LHPP: variants seen among roughly 807,000 people sequenced by gnomAD.
The protein encoded by LHPP is hLHPP.
Under a neutral mutation model 30.3 loss-of-function variants are expected in LHPP, and 24 were observed. The observed-to-expected ratio is 0.79, with a 90% confidence interval of 0.57 to 1.11. The LOEUF is 1.11. Among genes scored for constraint, LHPP ranks in the 50% most tolerant of loss-of-function variants. LHPP has a pLI of 0.00. For missense variants in LHPP, 356 were observed against 367.2 expected (o/e 0.97, Z 0.25); for synonymous variants, 150 against 157.1 (o/e 0.95, Z 0.34).
At chr10:124,599,344 T>C (rs931485233) in intron 6 of LHPP, among the ~76,000 whole-genome samples, 1 of 152,236 alleles carries the variant, frequency 6.6e-6, no homozygotes, top group African/African-American at 2.4e-5. Context: ...ACCATCTCGG[T>C]GAATCTCCAT....
intron 6 of LHPP, among the ~76,000 whole-genome samples, chr10:124,554,449 G>A (rs1219727667): frequency 6.6e-6 from 1 of 152,228 alleles, no homozygotes; most frequent in East Asian, 1.9e-4. Context: ...TCCTGCCTTG[G>A]CCTTCCAAAA....
chr10:124,478,203 A>C lies in LHPP; in HGVS notation c.126-5936A>C, dbSNP rs893088378. On this transcript the variant is annotated intron_variant, in intron 1 of 6. Transcript: ENST00000368842. The surrounding 1 kb of genome is among the most constrained non-coding windows in gnomAD (Gnocchi z 4.7). Reference sequence around the variant, plus strand: ...GGGCTGTGTGGGCGCAGCTCGGAGGATGGGATCTGGCTGGGTGCATGGCTG... The same window carrying C: ...GGGCTGTGTGGGCGCAGCTCGGAGGCTGGGATCTGGCTGGGTGCATGGCTG... 1.3e-5 allele frequency among the ~76,000 whole-genome samples: 2 copies of C among 152,126 alleles called. No homozygotes were observed. Among genetic ancestry groups the C allele is most frequent in the African/African-American group, 4.8e-5 (2 of 41,422 alleles).
rs1949230257 is a variant in LHPP at position 124,613,420 on chromosome 10, C to T, written c.*60C>T. 6 of 1,222,694 alleles carry T rather than the reference C, an allele frequency of 4.9e-6. No individual in the cohort carries two copies. The highest frequency in any genetic ancestry group is 7.1e-6 in the Non-Finnish European group (6 of 844,650). The allele number at this position is 1,222,694 out of a possible 1,614,324, so 75.7% of individuals were successfully genotyped here. On this transcript the variant is annotated 3_prime_UTR_variant, in exon 7 of 7. Coordinates refer to ENST00000368842, the MANE Select transcript of LHPP (RefSeq NM_022126.4). ...TGCCTCTCCTCCACCCCTGCCTCCCCTCCACCCCTGCCTCTCCTCCACCCG... is the reference window on the plus strand; with the variant it reads ...TGCCTCTCCTCCACCCCTGCCTCCCTTCCACCCCTGCCTCTCCTCCACCCG...
intron 6 of LHPP, among the ~76,000 whole-genome samples, chr10:124,535,770 G>A (rs923590554): frequency 2.0e-5 from 3 of 152,220 alleles, no homozygotes; most frequent in Non-Finnish European, 2.9e-5. Context: ...AAGACCTGTG[G>A]GCCAGAGGCC....
chr10:124,499,936 A>G (rs1367911744), intron 5 of LHPP, among the ~76,000 whole-genome samples: 1 of 152,062 alleles, frequency 6.6e-6, no homozygotes, highest in African/African-American at 2.4e-5. Flanking sequence ...AACACCTGGG[A>G]AATGTCACAT....
chr10:124,608,870 A>G (rs1949129440), intron 6 of LHPP, among the ~76,000 whole-genome samples: 1 of 152,174 alleles, frequency 6.6e-6, no homozygotes, highest in Admixed American at 6.5e-5. Flanking sequence ...TTCATTCTGT[A>G]CCAGGGCAGG....
intron 6 of LHPP, among the ~76,000 whole-genome samples, chr10:124,572,309 G>A (rs1189080046): frequency 2.0e-5 from 3 of 152,140 alleles, no homozygotes; most frequent in East Asian, 1.9e-4. Context: ...CACTGGCACC[G>A]AGAAGTGTAC....
intron 6 of LHPP, among the ~76,000 whole-genome samples, chr10:124,587,554 A>AC (rs1433069363): frequency 6.6e-6 from 1 of 151,518 alleles, no homozygotes; most frequent in Non-Finnish European, 1.5e-5. Flanking sequence ...AGCCTGACTA[A>AC]CACGGGGAAA....
At chr10:124,522,728 C>CCCA (rs1554886534) in intron 6 of LHPP, among the ~76,000 whole-genome samples, 1 of 148,430 alleles carries the variant, frequency 6.7e-6, no homozygotes, top group Non-Finnish European at 1.5e-5. Flanking sequence ...CCCACGCCCC[C>CCCA]CCCCAAGCAC....
Position 124,461,824 on chromosome 10 carries a change from T to A in LHPP, c.-39T>A, listed in dbSNP as rs1952401266. 1.6e-6 allele frequency: 2 copies of A among 1,222,420 alleles called. No individual in the cohort carries two copies. The highest frequency in any genetic ancestry group is 4.1e-5 in the South Asian group (1 of 24,610). The allele number at this position is 1,222,420 out of a possible 1,614,324, so 75.7% of individuals were successfully genotyped here. A position where few individuals can be genotyped will look rare whatever the true frequency, so the allele number is the denominator to read the frequency against. ...CGCGGCCGCGGCGCCGGCGCCGGCG[T>A]CGGTTGGGACGCGGAGCTGAGGAGC... On this transcript the variant is annotated 5_prime_UTR_variant, in exon 1 of 7. Transcript: ENST00000368842.
chr10:124,610,453 T>A (rs866501817), intron 6 of LHPP, among the ~76,000 whole-genome samples: 84 of 54,018 alleles, frequency 1.6e-3, no homozygotes, highest in African/African-American at 2.5e-3. Context: ...CGGGTGAGGG[T>A]GAGGGTGAGG....
At chr10:124,533,604 G>A (rs909047170) in intron 6 of LHPP, among the ~76,000 whole-genome samples, 9 of 152,352 alleles carry the variant, frequency 5.9e-5, no homozygotes, top group East Asian at 5.8e-4. Flanking sequence ...ACTGCATGGC[G>A]AGGAGGAGAT....
At chr10:124,606,355 C>T (rs1042324478) in intron 6 of LHPP, among the ~76,000 whole-genome samples, 4 of 152,204 alleles carry the variant, frequency 2.6e-5, no homozygotes, top group East Asian at 3.9e-4. Context: ...GTCCCTGCCC[C>T]GCTCAGTCCT....
chr10:124,481,698 G>T (rs11245124), intron 1 of LHPP, among the ~76,000 whole-genome samples: 20,902 of 151,864 alleles, frequency 0.14, 1,840 homozygotes, highest in Non-Finnish European at 0.19. Flanking sequence ...CCCTCTCAGT[G>T]GTCCTCCACT....
rs367560881 is a variant in LHPP, at chr10:124,484,102, G to T, written c.126-37G>T. ...CTCCTTCAGAGGCCCAACACTCCAC[G>T]TGCTGACTTCCCGGGCCTGTGTCTC... On this transcript the variant is annotated intron_variant, in intron 1 of 6. Transcript: ENST00000368842. The T allele has an allele frequency of 3.1e-6, 5 of 1,602,556 alleles. No individual in the cohort carries two copies. The Admixed American group carries it at 6.8e-5, about 22-fold the overall frequency.
At chr10:124,547,740 C>A (rs572890238) in intron 6 of LHPP, among the ~76,000 whole-genome samples, 1 of 151,824 alleles carries the variant, frequency 6.6e-6, no homozygotes, top group Non-Finnish European at 1.5e-5. Context: ...CCCTGACCAG[C>A]GGGGCCATCG....
chr10:124,609,274 C>G (rs1361003938), intron 6 of LHPP, among the ~76,000 whole-genome samples: 1 of 152,218 alleles, frequency 6.6e-6, no homozygotes, highest in African/African-American at 2.4e-5. Flanking sequence ...TTGAGACTCT[C>G]ATCTGTCACC....
chr10:124,561,039 G>A (rs1474871051), intron 6 of LHPP, among the ~76,000 whole-genome samples: 1 of 152,180 alleles, frequency 6.6e-6, no homozygotes, highest in Non-Finnish European at 1.5e-5. Flanking sequence ...TCAGGACCTG[G>A]GGATCAGTGG....
At chr10:124,490,143 C>A in intron 3 of LHPP, 1 of 171,840 alleles carries the variant, frequency 5.8e-6, no homozygotes, top group Non-Finnish European at 1.2e-5. Context: ...TGTGAGTGTC[C>A]CTGTGAGTGT....
Sources: gnomAD v4.1 joint callset for allele counts (sites outside exome capture counted in the v4.1 genomes callset) on GRCh38, gnomAD v4.1.1 for gene constraint, Gnocchi (gnomAD v3.1) non-coding constraint, MANE v1.5 for transcripts, NCBI Gene and HGNC (gene_info 2026-07-23, HGNC 2026-07-21) for gene names.